The following CTBP2 variants were observed in gnomAD, a reference collection of about 807,000 sequenced individuals.
CTBP2 encodes C-terminal-binding protein 2.
In CTBP2, 30 loss-of-function variants were observed where a neutral mutation model predicts 80.3. That is an observed-to-expected ratio of 0.37 (90% CI 0.28 to 0.51). The LOEUF (loss-of-function observed/expected upper bound fraction) is 0.51, where lower values mean the gene tolerates loss of function less well. Among genes scored for constraint, CTBP2 ranks in the 20% least tolerant of loss-of-function variants. CTBP2 has a pLI of 0.93. For synonymous variants in CTBP2, 594 were observed against 587.4 expected (o/e 1.01, Z -0.16); for missense variants, 1,212 against 1,375.3 (o/e 0.88, Z 1.88).
At chr10:125,154,652 TA>T (rs34822464) in intron 1 of CTBP2, among the ~76,000 whole-genome samples, 111,107 of 152,124 alleles carry the variant, frequency 0.73, 41,627 homozygotes, top group African/African-American at 0.87. Context: ...GTGTCGTTGC[TA>T]AAAAAACTGA....
chr10:125,035,135 A>T (rs61255454), intron 3 of CTBP2, among the ~76,000 whole-genome samples: 2,606 of 152,306 alleles, frequency 0.017, 81 homozygotes, highest in African/African-American at 0.06. Flanking sequence ...CCCCGGCAGC[A>T]TCTTCTCAGA....
At chr10:125,102,907 G>T (rs1162897451) in intron 2 of CTBP2, among the ~76,000 whole-genome samples, 1 of 152,194 alleles carries the variant, frequency 6.6e-6, no homozygotes, top group Non-Finnish European at 1.5e-5. Context: ...ATGTAGTCAG[G>T]TTGGCTGAAC....
rs975863104 is a variant in CTBP2 at position 124,989,001 on chromosome 10, A to G, written c.*517T>C. ...CTGTACAGCAGCCTGTACTGTCTTC[A>G]ATCCTATGCGTGCAGGTGTCTACCA... On this transcript the variant is annotated 3_prime_UTR_variant, in exon 9 of 9. Transcript: ENST00000309035. The G allele has an allele frequency of 1.7e-5, 3 of 181,234 alleles. No individual in the cohort carries two copies. The highest frequency in any genetic ancestry group is 7.2e-5 in the African/African-American group (3 of 41,540). The allele number at this position is 181,234 out of a possible 1,614,324, so 11.2% of individuals were successfully genotyped here.
chr10:125,093,272 C>A (rs1251297866), intron 2 of CTBP2, among the ~76,000 whole-genome samples: 1 of 152,188 alleles, frequency 6.6e-6, no homozygotes, highest in Non-Finnish European at 1.5e-5. Flanking sequence ...TCCACAGGAA[C>A]CCTGCGGCCC....
intron 1 of CTBP2, among the ~76,000 whole-genome samples, chr10:125,114,223 G>C (rs542836052): frequency 6.6e-6 from 1 of 152,138 alleles, no homozygotes; most frequent in African/African-American, 2.4e-5. Context: ...TGTAACTGCC[G>C]GTCAGCATGC....
At chr10:125,125,073 C>T (rs1163435241) in intron 1 of CTBP2, among the ~76,000 whole-genome samples, 1 of 152,214 alleles carries the variant, frequency 6.6e-6, no homozygotes, top group Non-Finnish European at 1.5e-5. Context: ...CAGGGCTCAA[C>T]ACCAAGTCAC....
chr10:125,132,674 C>T (rs1360187036), intron 1 of CTBP2, among the ~76,000 whole-genome samples: 1 of 152,138 alleles, frequency 6.6e-6, no homozygotes, highest in Non-Finnish European at 1.5e-5. Context: ...AAATCAAGCA[C>T]CTTGGGTATA....
At chr10:125,097,761 A>G (rs536274756) in intron 2 of CTBP2, among the ~76,000 whole-genome samples, 1 of 152,298 alleles carries the variant, frequency 6.6e-6, no homozygotes, top group African/African-American at 2.4e-5. Flanking sequence ...TCTCAATGAC[A>G]GGCCCTCTGT....
rs141134162 is a variant in CTBP2 at position 125,088,846 on chromosome 10, G to A, written c.-102+22144C>T. ...GAACTGCACCAAATTCGGAGACCTA[G>A]TTGGGAGATGAATGCCCCAGAGCTC... On this transcript the variant is annotated intron_variant, in intron 2 of 10. Coordinates refer to the CTBP2 transcript ENST00000337195. Among the ~76,000 whole-genome samples, 1,485 of 152,298 alleles carry A rather than the reference G, an allele frequency of 9.8e-3. 14 individuals carry two copies. The highest frequency in any genetic ancestry group is 0.024 in the Middle Eastern group (7 of 294).
intron 1 of CTBP2, among the ~76,000 whole-genome samples, chr10:125,004,462 C>T (rs1011096746): frequency 2.2e-5 from 2 of 92,442 alleles, no homozygotes; most frequent in African/African-American, 6.7e-5. Context: ...ACAAAAACTG[C>T]CCCCTTCAAA....
At chr10:125,057,023 C>T (rs781197266) in intron 2 of CTBP2, among the ~76,000 whole-genome samples, 18 of 152,214 alleles carry the variant, frequency 1.2e-4, no homozygotes, top group South Asian at 4.1e-4. Context: ...AGCCCCCAGC[C>T]GGGGAAGCAT....
intron 2 of CTBP2, among the ~76,000 whole-genome samples, chr10:125,084,164 A>T (rs1470353146): frequency 6.6e-6 from 1 of 151,962 alleles, no homozygotes; most frequent in Non-Finnish European, 1.5e-5. Flanking sequence ...TATGTTGCCC[A>T]TGCTGGTCTT....
rs368076851 is a variant in CTBP2, at chr10:125,132,310, C to G, written c.-205-21217G>C. 1.1e-3 allele frequency among the ~76,000 whole-genome samples: 163 copies of G among 152,148 alleles called. 1 individual carries two copies. Among genetic ancestry groups the G allele is most frequent in the Admixed American group, 5.2e-4 (8 of 15,270 alleles). ...CACTAAGGGAGAAAAAAAAAAATGC[C>G]GTCAATTAAACTATGGCTTGTGATC... On this transcript the variant is annotated intron_variant, in intron 1 of 10. Coordinates refer to the CTBP2 transcript ENST00000337195.
intron 1 of CTBP2, among the ~76,000 whole-genome samples, chr10:125,119,011 G>T (rs1476796353): frequency 6.6e-6 from 1 of 152,164 alleles, no homozygotes; most frequent in African/African-American, 2.4e-5. Flanking sequence ...AACCAGCTGG[G>T]GCATCCTGGT....
chr10:125,042,662 A>G (rs1960177778), intron 2 of CTBP2, among the ~76,000 whole-genome samples: 1 of 151,912 alleles, frequency 6.6e-6, no homozygotes, highest in African/African-American at 2.4e-5. Flanking sequence ...CCAGAGTGGC[A>G]GTGAGGACCA....
chr10:125,045,446 A>G (rs112868336), intron 2 of CTBP2, among the ~76,000 whole-genome samples: 10 of 152,186 alleles, frequency 6.6e-5, no homozygotes, highest in African/African-American at 2.2e-4. Flanking sequence ...CACTACCAAT[A>G]AAGAGGCGTA....
At chr10:125,082,911 A>G (rs969116411) in intron 2 of CTBP2, among the ~76,000 whole-genome samples, 11 of 152,152 alleles carry the variant, frequency 7.2e-5, no homozygotes, top group African/African-American at 2.7e-4. Flanking sequence ...TTCACAGGAC[A>G]TATGTCCAGC....
In CTBP2 at chr10:125,027,029, C is replaced by T. The variant is rs1369897746; in HGVS notation, c.731G>A (p.Gly244Asp). The stretch of plus-strand genomic sequence containing the variant: ...GGCCCCTGGGGCCACCCCTGTGCTG[C>T]CTTCGGGGGCAGCAGCTGAACTGGG... The change falls in exon 1 of 9, where the codon GGC becomes GAC. Residue 244 changes from glycine (G) to aspartate (D), a missense_variant. Gly to Asp is a moderately conservative substitution (Grantham distance 94). This residue lies in a region of CTBP2 where 848 missense variants were observed against 782.3 expected (regional missense o/e 1.08). Transcript: ENST00000309035. The T allele has an allele frequency of 2.5e-6, 4 of 1,613,566 alleles. No homozygotes were observed. In the South Asian group the frequency reaches 3.3e-5, roughly 13 times the overall value.
chr10:125,084,362 C>G (rs904311638), intron 2 of CTBP2, among the ~76,000 whole-genome samples: 6 of 152,172 alleles, frequency 3.9e-5, no homozygotes, highest in African/African-American at 1.4e-4. Context: ...CTATTTCGAG[C>G]CAACAGCAGC....
Sources: allele counts gnomAD v4.1 joint callset (sites outside exome capture counted in the v4.1 genomes callset), GRCh38; gene constraint gnomAD v4.1.1; regional missense constraint gnomAD v4.1.1; transcripts MANE v1.5; gene names NCBI Gene and HGNC (gene_info 2026-07-23, HGNC 2026-07-21).